Variants in NKD1 observed in about 807,000 individuals in gnomAD.
NKD1 encodes protein naked cuticle homolog 1.
Under a neutral mutation model 56.0 loss-of-function variants are expected in NKD1, and 21 were observed. That is an observed-to-expected ratio of 0.38 (90% confidence interval 0.27 to 0.54). The LOEUF is 0.54. NKD1 is among the 20% of genes least tolerant of loss of function. The pLI is 0.82. For missense variants in NKD1, 578 were observed against 642.7 expected (o/e 0.90, Z 1.09); for synonymous variants, 263 against 265.7 (o/e 0.99, Z 0.10).
chr16:50,566,832 A>T (rs971703780), intron 3 of NKD1, among the ~76,000 whole-genome samples: 3 of 152,168 alleles, frequency 2.0e-5, no homozygotes, highest in Admixed American at 6.5e-5. Flanking sequence ...TGACCTCTCT[A>T]TGATGATCAT....
At chr16:50,585,848 A>G (rs562414547) in intron 3 of NKD1, among the ~76,000 whole-genome samples, 1 of 152,282 alleles carries the variant, frequency 6.6e-6, no homozygotes, top group Admixed American at 6.5e-5. Flanking sequence ...CGTGCTGATC[A>G]CTGTGTGTTT....
At chr16:50,600,513 A>G (rs1414421385) in intron 3 of NKD1, among the ~76,000 whole-genome samples, 1 of 152,112 alleles carries the variant, frequency 6.6e-6, no homozygotes, top group African/African-American at 2.4e-5. Flanking sequence ...GATTTTATTG[A>G]TCTTATTGCT....
Position 50,644,278 on chromosome 16 carries a change from G to A in NKD1, c.*10497G>A, listed in dbSNP as rs76870746. 12,373 of 152,266 alleles carry A rather than the reference G, an allele frequency of 0.081. 1,111 individuals are homozygous for A. The highest frequency in any genetic ancestry group is 0.52 in the East Asian group (2,667 of 5,156). 9.4% of individuals were successfully genotyped at this position (152,266 alleles called of 1,614,324 possible). ...TTATTTGGTTTCCACCAAAGCACTT[G>A]TTCACCAGATTATCTTATAATCCCA... On this transcript the variant is annotated 3_prime_UTR_variant, in exon 10 of 10. Transcript: ENST00000268459.
intron 3 of NKD1, among the ~76,000 whole-genome samples, chr16:50,603,604 G>C (rs996724283): frequency 1.3e-5 from 2 of 152,248 alleles, no homozygotes; most frequent in African/African-American, 4.8e-5. Flanking sequence ...AGCTCTTAGA[G>C]AACAGAAAGA....
chr16:50,565,654 A>G (rs576512506), intron 3 of NKD1, among the ~76,000 whole-genome samples: 81 of 152,352 alleles, frequency 5.3e-4, no homozygotes, highest in Admixed American at 3.1e-3. Context: ...GCACCACTGC[A>G]CTTCAGCCTG....
chr16:50,626,455 C>T (rs972275689), intron 6 of NKD1, among the ~76,000 whole-genome samples: 5 of 152,090 alleles, frequency 3.3e-5, no homozygotes, highest in African/African-American at 9.7e-5. Flanking sequence ...CAGGGGAGGC[C>T]TCCTGAAGGA....
rs1962522657 is a variant in NKD1 at position 50,638,809 on chromosome 16, G to A, written c.*5028G>A. ...GACCCATTTGCCAGTAGCAGACGGG[G>A]ACCCTGGGGAGAAAATGGCAGAGCC... On this transcript the variant is annotated 3_prime_UTR_variant, in exon 10 of 10. Coordinates refer to ENST00000268459, the MANE Select transcript of NKD1 (RefSeq NM_033119.5). 1.3e-5 allele frequency: 2 copies of A among 152,352 alleles called. No homozygotes were observed. The highest frequency in any genetic ancestry group is 2.1e-4 in the South Asian group (1 of 4,830). The allele number at this position is 152,352 out of a possible 1,614,324, so 9.4% of individuals were successfully genotyped here. A position where few individuals can be genotyped will look rare whatever the true frequency, so the allele number is the denominator to read the frequency against.
chr16:50,626,444 C>T (rs1400511963), intron 6 of NKD1, among the ~76,000 whole-genome samples: 1 of 151,920 alleles, frequency 6.6e-6, no homozygotes, highest in Non-Finnish European at 1.5e-5. Context: ...CCTGGAGGGT[C>T]CAGGGGAGGC....
rs866475469 is a variant in NKD1, at chr16:50,633,895, T to C, written c.*114T>C. ...TGATGATTATTGTTATTAATAATTA[T>C]TGTTACTCCACTAATATTTAGCTAG... is the stretch of plus-strand genomic sequence containing the variant. On this transcript the variant is annotated 3_prime_UTR_variant, in exon 10 of 10. Coordinates refer to ENST00000268459, the MANE Select transcript of NKD1 (RefSeq NM_033119.5). This position sits in a 1 kb window ranked among gnomAD's most constrained non-coding sequence, Gnocchi z 4.9. 7 of 570,058 alleles carry C rather than the reference T, an allele frequency of 1.2e-5. No homozygotes were observed. The South Asian group carries it at 1.9e-4, about 16-fold the overall frequency. The allele number at this position is 570,058 out of a possible 1,614,324, so 35.3% of individuals were successfully genotyped here. A position where few individuals can be genotyped will look rare whatever the true frequency, so the allele number is the denominator to read the frequency against.
intron 3 of NKD1, among the ~76,000 whole-genome samples, chr16:50,564,812 C>T (rs973800248): frequency 3.3e-5 from 5 of 152,010 alleles, no homozygotes; most frequent in Admixed American, 6.5e-5. Flanking sequence ...TAAATTAAGT[C>T]GTACGCATGG....
intron 3 of NKD1, among the ~76,000 whole-genome samples, chr16:50,553,208 T>C (rs1960428759): frequency 6.6e-6 from 1 of 152,222 alleles, no homozygotes; most frequent in Non-Finnish European, 1.5e-5. Flanking sequence ...GATTAAATAG[T>C]GCAGTGGACT....
At chr16:50,572,018 C>T (rs981800230) in intron 3 of NKD1, among the ~76,000 whole-genome samples, 3 of 152,200 alleles carry the variant, frequency 2.0e-5, no homozygotes, top group Admixed American at 6.5e-5. Context: ...GGCCTTTGCA[C>T]GCTCTATTCC....
At chr16:50,570,784 G>A (rs537463991) in intron 3 of NKD1, 1 of 982,706 alleles carries the variant, frequency 1.0e-6, no homozygotes, top group South Asian at 4.7e-5. Flanking sequence ...TCTATGGAGT[G>A]ACCATGTCTA....
rs943895657 is a variant in NKD1 at position 50,643,505 on chromosome 16, C to G, written c.*9724C>G. On this transcript the variant is annotated 3_prime_UTR_variant, in exon 10 of 10. Coordinates refer to ENST00000268459, the MANE Select transcript of NKD1 (RefSeq NM_033119.5). ...GCTGCTGGTGTGGCCGAGACCTCAG[C>G]CTCAGCAAGATGGTGCCCCAAGCTC... 4 of 152,244 alleles carry G rather than the reference C, an allele frequency of 2.6e-5. No individual in the cohort carries two copies. The highest frequency in any genetic ancestry group is 2.6e-4 in the Admixed American group (4 of 15,288). The allele number at this position is 152,244 out of a possible 1,614,324, so 9.4% of individuals were successfully genotyped here.
chr16:50,607,393 G>GTTT (rs1052867166), intron 3 of NKD1: 1 of 160,168 alleles, frequency 6.2e-6, no homozygotes, highest in South Asian at 1.7e-4. Flanking sequence ...TTTTGTTTTT[G>GTTT]TTTTTTTTCT....
At chr16:50,595,572 T>G (rs1188542574) in intron 3 of NKD1, among the ~76,000 whole-genome samples, 1 of 152,086 alleles carries the variant, frequency 6.6e-6, no homozygotes, top group Non-Finnish European at 1.5e-5. Flanking sequence ...GAGTGCTCCG[T>G]TTCTCCCAGC....
At chr16:50,568,685 G>A (rs1960817510) in intron 3 of NKD1, among the ~76,000 whole-genome samples, 1 of 152,110 alleles carries the variant, frequency 6.6e-6, no homozygotes, top group South Asian at 2.1e-4. Flanking sequence ...TCCTTAGCAG[G>A]TTGGAGATTT....
intron 3 of NKD1, among the ~76,000 whole-genome samples, chr16:50,593,889 A>G (rs1961421031): frequency 6.6e-6 from 1 of 152,196 alleles, no homozygotes; most frequent in Non-Finnish European, 1.5e-5. Flanking sequence ...GAAAGCCGCC[A>G]GGGAAAATCA....
At chr16:50,571,106 A>T in intron 3 of NKD1, 1 of 610,094 alleles carries the variant, frequency 1.6e-6, no homozygotes, top group Non-Finnish European at 2.1e-6. Flanking sequence ...GAGGGGAAGG[A>T]GGGGCTGCCC....
Sources: allele counts gnomAD v4.1 joint callset (sites outside exome capture counted in the v4.1 genomes callset), GRCh38; gene constraint gnomAD v4.1.1; non-coding constraint Gnocchi (gnomAD v3.1); transcripts MANE v1.5; gene names NCBI Gene and HGNC (gene_info 2026-07-23, HGNC 2026-07-21).